The following YLPM1 variants were observed in gnomAD, a reference collection of about 807,000 sequenced individuals.
YLPM1 encodes YLP motif-containing protein 1.
A neutral mutation model predicts 230.0 loss-of-function variants in YLPM1; 99 were observed. That is an observed-to-expected ratio of 0.43 (90% CI 0.37 to 0.51). YLPM1 has a LOEUF of 0.51. Among genes scored for constraint, YLPM1 ranks in the 20% least tolerant of loss-of-function variants. YLPM1 has a pLI of 0.00. For synonymous variants in YLPM1, 984 were observed against 942.5 expected, an observed-to-expected ratio of 1.04 and a Z score of -0.81; for missense variants, 2,592 against 2,707.7, an observed-to-expected ratio of 0.96 and a Z score of 0.95.
chr14:74,797,660 A>G lies in YLPM1; in HGVS notation c.2363A>G (p.Asn788Ser), dbSNP rs1462821317. The G allele has an allele frequency of 2.5e-6, 4 of 1,595,088 alleles. No individual in the cohort carries two copies. Among genetic ancestry groups the G allele is most frequent in the Admixed American group, 3.5e-5 (2 of 56,538 alleles). The change falls in exon 5 of 21, where the codon AAT becomes AGT. Residue 788 changes from asparagine (N) to serine (S), a missense_variant. Coordinates refer to ENST00000325680, the MANE Select transcript of YLPM1 (RefSeq NM_019589.3). ...CCCAAAGGGCCTCGTTTTGAAGGAA[A>G]TCGCCCCGATGGGCCAAGACCCAGA... is the stretch of plus-strand genomic sequence containing the variant. ...PRPKGPRFEG[N>S]RPDGPRPRYE... is the part of the protein sequence containing the mutation.
rs2090882118 is a variant in YLPM1 at position 74,764,036 on chromosome 14, T to A, written c.547T>A (p.Tyr183Asn). The A allele has an allele frequency of 1.3e-6, 2 of 1,599,984 alleles. No homozygotes were observed. Among genetic ancestry groups the A allele is most frequent in the African/African-American group, 2.8e-5 (2 of 71,104 alleles). ...CTACCCCCCGACCTCATCTCAGCCC[T>A]ACCTGCCTCCTGCTCAGCCGTCCCC... The part of the protein sequence containing the change: ...SYYPPTSSQP[Y>N]LPPAQPSPSQ... Residue 183 changes from tyrosine (Y) to asparagine (N), a missense_variant, in exon 1 of 21, where the codon TAC becomes AAC. This residue lies in a region of YLPM1 where 1,862 missense variants were observed against 1,819.8 expected (regional missense o/e 1.02). Coordinates refer to ENST00000325680, the MANE Select transcript of YLPM1 (RefSeq NM_019589.3).
intron 4 of YLPM1, among the ~76,000 whole-genome samples, chr14:74,788,502 T>G (rs1323480550): frequency 2.6e-5 from 4 of 152,232 alleles, no homozygotes; most frequent in Non-Finnish European, 5.9e-5. Flanking sequence ...CCTTCCTGTT[T>G]AATAACTAAG....
At chr14:74,801,058 G>A (rs2091319891) in intron 5 of YLPM1, among the ~76,000 whole-genome samples, 2 of 152,244 alleles carry the variant, frequency 1.3e-5, no homozygotes, top group Admixed American at 1.3e-4. Flanking sequence ...GCTGATTGGT[G>A]TTGTTAAGCT....
At chr14:74,795,139 A>T (rs2091247296) in intron 4 of YLPM1, among the ~76,000 whole-genome samples, 1 of 152,146 alleles carries the variant, frequency 6.6e-6, no homozygotes. Context: ...ACTTCACTTC[A>T]CCTGTATTGT....
Position 74,764,114 on chromosome 14 carries a change from T to C in YLPM1, c.625T>C (p.Ser209Pro). 1 of 1,612,662 alleles carries C rather than the reference T, an allele frequency of 6.2e-7. No individual in the cohort carries two copies. Among genetic ancestry groups the C allele is most frequent in the Non-Finnish European group, 8.5e-7 (1 of 1,179,594 alleles). The change falls in exon 1 of 21, where the codon TCC becomes CCC. Residue 209 changes from serine (S) to proline (P), a missense_variant. Around this residue, in one of 4 missense-constraint regions of YLPM1, gnomAD observed 1,862 missense variants for 1,819.8 expected, o/e 1.02. Coordinates refer to ENST00000325680, the MANE Select transcript of YLPM1 (RefSeq NM_019589.3). Reference protein sequence around the residue: ...SYLAPTPSYSSSSSSSQSYLS... With the variant: ...SYLAPTPSYSPSSSSSQSYLS... Reference sequence around the variant, plus strand: ...CCTGGCGCCCACCCCTTCTTACTCATCCTCCTCCTCTTCCTCGCAATCCTA... The same window carrying C: ...CCTGGCGCCCACCCCTTCTTACTCACCCTCCTCCTCTTCCTCGCAATCCTA...
intron 1 of YLPM1, among the ~76,000 whole-genome samples, chr14:74,764,851 T>G (rs1235779260): frequency 1.3e-5 from 2 of 152,198 alleles, no homozygotes; most frequent in Non-Finnish European, 2.9e-5. Context: ...GCTTCCTGAA[T>G]TAAGAGGTTT....
chr14:74,834,126 A>G, intron 19 of YLPM1, among the ~76,000 whole-genome samples: 1 of 150,936 alleles, frequency 6.6e-6, no homozygotes, highest in African/African-American at 2.4e-5. Context: ...AGGCAGGAGG[A>G]TTGCTTGAGT....
intron 1 of YLPM1, among the ~76,000 whole-genome samples, chr14:74,770,355 G>A (rs2140071845): frequency 6.6e-6 from 1 of 151,304 alleles, no homozygotes; most frequent in East Asian, 2.0e-4. Flanking sequence ...CAGGTGCAGT[G>A]GCTGATGCCT....
At position 74,782,339 on chromosome 14, in the gene YLPM1, T is replaced by C. The variant is rs2091104263; in HGVS notation, c.2282+14T>C. 6.7e-7 allele frequency: 1 copy of C among 1,488,478 alleles called. No homozygotes were observed. The highest frequency in any genetic ancestry group is 8.9e-7 in the Non-Finnish European group (1 of 1,129,494). 92.2% of individuals were successfully genotyped at this position (1,488,478 alleles called of 1,614,324 possible). A position where few individuals can be genotyped will look rare whatever the true frequency, so the allele number is the denominator to read the frequency against. On this transcript the variant is annotated intron_variant, in intron 4 of 20. Transcript: ENST00000325680. ...AAGAGGCCCAAGGTAGGTCTGCTTT[T>C]TTTTCTCTTTTTTTTTGGTTTGGCT...
At chr14:74,830,106 A>G (rs2091596423) in intron 19 of YLPM1, among the ~76,000 whole-genome samples, 1 of 152,214 alleles carries the variant, frequency 6.6e-6, no homozygotes, top group Admixed American at 6.5e-5. Flanking sequence ...TGATGCAGAA[A>G]AGACAAGTAA....
chr14:74,829,846 A>AT (rs1268669906), intron 19 of YLPM1, among the ~76,000 whole-genome samples: 25 of 152,318 alleles, frequency 1.6e-4, no homozygotes, highest in Middle Eastern at 6.8e-3. Flanking sequence ...AGAAATTCTA[A>AT]TTTTTCTTCT....
intron 6 of YLPM1, among the ~76,000 whole-genome samples, chr14:74,804,396 G>T (rs952239338): frequency 1.3e-5 from 2 of 152,144 alleles, no homozygotes; most frequent in African/African-American, 4.8e-5. Context: ...TCCTGAGCTG[G>T]CCTGACCTCT....
At chr14:74,800,088 C>T (rs1274411972) in intron 5 of YLPM1, among the ~76,000 whole-genome samples, 1 of 152,218 alleles carries the variant, frequency 6.6e-6, no homozygotes, top group Non-Finnish European at 1.5e-5. Flanking sequence ...TTTATATTCA[C>T]TAATCATTGA....
At chr14:74,821,937 A>G (rs1320769175) in intron 17 of YLPM1, 1 of 152,208 alleles carries the variant, frequency 6.6e-6, no homozygotes, top group Non-Finnish European at 1.5e-5. Context: ...TTGAAAATGT[A>G]CAAAATGAGA....
chr14:74,785,639 C>G (rs1411260552), intron 4 of YLPM1, among the ~76,000 whole-genome samples: 1 of 152,098 alleles, frequency 6.6e-6, no homozygotes, highest in East Asian at 1.9e-4. Flanking sequence ...AAACATATAA[C>G]TGATATGAGA....
In YLPM1 at chr14:74,816,733, A is replaced by G. The variant is rs2287408; in HGVS notation, c.5685+43A>G. ...GATCTCGTTCTGATTCATTAATAGT[A>G]TTTAAAGGAAAATGTGTTTGGAGAG... On this transcript the variant is annotated intron_variant, in intron 13 of 20. Transcript: ENST00000325680. The G allele has an allele frequency of 0.012, 18,256 of 1,560,474 alleles. 1,030 individuals are homozygous for G. In the African/African-American group the frequency reaches 0.15, roughly 13 times the overall value.
chr14:74,827,840 A>T, intron 18 of YLPM1: 1 of 985,390 alleles, frequency 1.0e-6, no homozygotes, highest in East Asian at 1.1e-4. Flanking sequence ...CTTCTTTAAG[A>T]TCATGTATAA....
At position 74,798,799 on chromosome 14, in the gene YLPM1, C is replaced by G. The variant is rs2091292338; in HGVS notation, c.3502C>G (p.Pro1168Ala). Residue 1168 changes from proline to alanine, a missense_variant, in exon 5 of 21, where the codon CCA becomes GCA. Physicochemically the swap from Pro to Ala is conservative, Grantham distance 27. Around this residue, in one of 4 missense-constraint regions of YLPM1, gnomAD observed 1,862 missense variants for 1,819.8 expected, o/e 1.02. Coordinates refer to ENST00000325680, the MANE Select transcript of YLPM1 (RefSeq NM_019589.3). ...GRSDFGRDRGPFRPEPGDGGE... is the reference protein window; with the variant it reads ...GRSDFGRDRGAFRPEPGDGGE... The stretch of plus-strand genomic sequence containing the variant: ...ATCAGATTTTGGTCGTGATAGAGGT[C>G]CATTCAGACCAGAACCAGGAGATGG... 1 of 1,613,812 alleles carries G rather than the reference C, an allele frequency of 6.2e-7. No individual in the cohort carries two copies. The highest frequency in any genetic ancestry group is 2.2e-5 in the East Asian group (1 of 44,862).
At chr14:74,792,996 T>C (rs1254804885) in intron 4 of YLPM1, among the ~76,000 whole-genome samples, 1 of 152,244 alleles carries the variant, frequency 6.6e-6, no homozygotes, top group Non-Finnish European at 1.5e-5. Context: ...TTGAAGATAA[T>C]TATTCCTCAA....
Sources: gnomAD v4.1 joint callset for allele counts (sites outside exome capture counted in the v4.1 genomes callset) on GRCh38, gnomAD v4.1.1 for gene constraint, gnomAD v4.1.1 regional missense constraint, MANE v1.5 for transcripts, NCBI Gene and HGNC (gene_info 2026-07-23, HGNC 2026-07-21) for gene names.